Variants in GNA14 observed in about 807,000 individuals in gnomAD.
GNA14 encodes the protein guanine nucleotide-binding protein subunit alpha-14.
In GNA14, 50 loss-of-function variants were observed where a neutral mutation model predicts 42.0. The observed-to-expected ratio is 1.19, with a 90% confidence interval of 0.95 to 1.51. The LOEUF (loss-of-function observed/expected upper bound fraction) is 1.51, where lower values mean the gene tolerates loss of function less well. Ranked by LOEUF, GNA14 falls within the 40% of genes most tolerant of loss-of-function variation. The pLI, the probability that GNA14 is intolerant of heterozygous loss-of-function variation, is 0.00. For missense variants in GNA14, 473 were observed against 446.2 expected, an observed-to-expected ratio of 1.06 and a Z score of -0.54; for synonymous variants, 173 against 163.1, an observed-to-expected ratio of 1.06 and a Z score of -0.46.
intron 1 of GNA14, among the ~76,000 whole-genome samples, chr9:77,576,859 A>G (rs1823136367): frequency 6.6e-6 from 1 of 152,132 alleles, no homozygotes; most frequent in Non-Finnish European, 1.5e-5. Flanking sequence ...AATATTTTCC[A>G]GGGTAAATGA....
At chr9:77,615,868 T>G (rs895892084) in intron 1 of GNA14, among the ~76,000 whole-genome samples, 1 of 91,032 alleles carries the variant, frequency 1.1e-5, no homozygotes, top group Non-Finnish European at 1.9e-5. Context: ...TTTTTTGGGG[T>G]TTTTTTTTTG....
At position 77,517,590 on chromosome 9, in the gene GNA14, C is replaced by CTTTTTTTTTTTTTTTTTTT. The variant is rs71358610; in HGVS notation, c.309+11460_309+11478dup. 2.2e-4 allele frequency: 6 copies of CTTTTTTTTTTTTTTTTTTT among 26,812 alleles called. 1 individual carries two copies. Among genetic ancestry groups the CTTTTTTTTTTTTTTTTTTT allele is most frequent in the Non-Finnish European group, 2.7e-4 (4 of 14,632 alleles). The allele number at this position is 26,812 out of a possible 1,614,324, so 1.7% of individuals were successfully genotyped here. A position where few individuals can be genotyped will look rare whatever the true frequency, so the allele number is the denominator to read the frequency against. ...TTCTGGTGCTTATCCTGGTACTTTTCTTTTTTTTTTTTTTTTTTTTTTTTT... is the reference window on the plus strand; with the variant it reads ...TTCTGGTGCTTATCCTGGTACTTTTCTTTTTTTTTTTTTTTTTTTTTTTTTTTTTTTTTTTTTTTTTTTT... On this transcript the variant is annotated intron_variant, in intron 2 of 6. Transcript: ENST00000341700.
At chr9:77,431,788 A>C (rs947036242) in intron 3 of GNA14, 17 of 215,794 alleles carry the variant, frequency 7.9e-5, no homozygotes, top group African/African-American at 3.6e-4. Flanking sequence ...GCTCTCTCCA[A>C]CACCCCATCT....
intron 1 of GNA14, among the ~76,000 whole-genome samples, chr9:77,571,380 C>T (rs1044468497): frequency 6.6e-6 from 1 of 152,044 alleles, no homozygotes; most frequent in African/African-American, 2.4e-5. Context: ...TTAAGAGGGT[C>T]TTATTTGTAG....
chr9:77,452,562 GT>G (rs1835922304), intron 2 of GNA14, among the ~76,000 whole-genome samples: 1 of 142,040 alleles, frequency 7.0e-6, no homozygotes, highest in African/African-American at 2.7e-5. Flanking sequence ...GTGTGTGTGT[GT>G]GTGTGTGTAT....
At chr9:77,569,703 A>G (rs1423099434) in intron 1 of GNA14, among the ~76,000 whole-genome samples, 1 of 152,006 alleles carries the variant, frequency 6.6e-6, no homozygotes, top group East Asian at 1.9e-4. Context: ...GCCCCTGTAA[A>G]GTGAAAGAGA....
chr9:77,633,793 C>T (rs1038564746), intron 1 of GNA14, among the ~76,000 whole-genome samples: 5 of 152,172 alleles, frequency 3.3e-5, no homozygotes, highest in Non-Finnish European at 5.9e-5. Context: ...TGGCCCCACT[C>T]TGGCCAGTCA....
chr9:77,475,385 G>A (rs1836400795), intron 2 of GNA14, among the ~76,000 whole-genome samples: 1 of 152,180 alleles, frequency 6.6e-6, no homozygotes, highest in Non-Finnish European at 1.5e-5. Flanking sequence ...AGGCTTAGTT[G>A]GATGACAGGG....
chr9:77,488,785 A>T (rs993865528), intron 2 of GNA14, among the ~76,000 whole-genome samples: 6 of 21,916 alleles, frequency 2.7e-4, no homozygotes, highest in Non-Finnish European at 5.0e-4. Flanking sequence ...ACACCTAATT[A>T]AAAAAAAAAA....
chr9:77,492,544 A>C (rs1019744618), intron 2 of GNA14, among the ~76,000 whole-genome samples: 24 of 152,136 alleles, frequency 1.6e-4, no homozygotes, highest in Non-Finnish European at 3.2e-4. Flanking sequence ...GCTACACTCC[A>C]ACAAATTGGA....
intron 2 of GNA14, among the ~76,000 whole-genome samples, chr9:77,511,595 G>A (rs975041687): frequency 1.3e-5 from 2 of 152,146 alleles, no homozygotes; most frequent in African/African-American, 4.8e-5. Flanking sequence ...GCTTGCAGGC[G>A]AAAGGAGTTG....
At chr9:77,616,753 T>C (rs1823825506) in intron 1 of GNA14, among the ~76,000 whole-genome samples, 1 of 152,204 alleles carries the variant, frequency 6.6e-6, no homozygotes, top group Admixed American at 6.5e-5. Context: ...CTCATCCTTA[T>C]CCTGAGTCCA....
At chr9:77,558,476 T>G (rs1474382136) in intron 1 of GNA14, among the ~76,000 whole-genome samples, 1 of 152,166 alleles carries the variant, frequency 6.6e-6, no homozygotes, top group Non-Finnish European at 1.5e-5. Flanking sequence ...AAAGTTTGAG[T>G]AGTAGTCTTA....
intron 1 of GNA14, among the ~76,000 whole-genome samples, chr9:77,589,265 C>A (rs1823351772): frequency 6.6e-6 from 1 of 152,214 alleles, no homozygotes; most frequent in East Asian, 1.9e-4. Context: ...CAGGCCACTT[C>A]ATTTCCCAGA....
chr9:77,620,873 A>T (rs1384913426), intron 1 of GNA14, among the ~76,000 whole-genome samples: 2 of 143,850 alleles, frequency 1.4e-5, no homozygotes, highest in South Asian at 2.2e-4. Flanking sequence ...AAAAAAAAAA[A>T]TCCCTTTCTG....
chr9:77,486,099 G>C lies in GNA14; in HGVS notation c.309+42970C>G, dbSNP rs148200729. On this transcript the variant is annotated intron_variant, in intron 2 of 6. Coordinates refer to ENST00000341700, the MANE Select transcript of GNA14 (RefSeq NM_004297.4). ...GGATGTTGTCTTCTTCCAATAGAAG[G>C]CTGTTTCATCTATATTGAAAATCTG... is the stretch of plus-strand genomic sequence containing the variant. Among the ~76,000 whole-genome samples, 372 of 152,294 alleles carry C rather than the reference G, an allele frequency of 2.4e-3. 2 individuals carry two copies. Among genetic ancestry groups the C allele is most frequent in the South Asian group, 0.012 (60 of 4,820 alleles).
At chr9:77,510,172 C>T (rs1837137518) in intron 2 of GNA14, among the ~76,000 whole-genome samples, 1 of 152,158 alleles carries the variant, frequency 6.6e-6, no homozygotes, top group African/African-American at 2.4e-5. Flanking sequence ...CTTTTTCTCT[C>T]TATTGATTTG....
At chr9:77,593,334 C>CTTTTTTTTTTTT (rs59975831) in intron 1 of GNA14, among the ~76,000 whole-genome samples, 8 of 142,934 alleles carry the variant, frequency 5.6e-5, no homozygotes, top group African/African-American at 2.2e-4. Context: ...CCTAACATTC[C>CTTTTTTTTTTTT]TTTTTTTTTT....
In GNA14 at chr9:77,424,163, T is replaced by C; in HGVS notation, c.884A>G (p.Lys295Arg). The C allele has an allele frequency of 6.2e-7, 1 of 1,606,246 alleles. No individual in the cohort carries two copies. Among genetic ancestry groups the C allele is most frequent in the South Asian group, 1.1e-5 (1 of 89,590 alleles). Reference protein sequence around the residue: ...ISYFPEYTGPKQDVRAARDFI... With the variant: ...ISYFPEYTGPRQDVRAARDFI... ...GTCTCTGGCAGCTCTGACATCCTGT[T>C]TCGGTCCTAGTCACAAGTGCAATTA... The change falls in exon 7 of 7, where the codon AAA (lysine) becomes AGA (arginine). Residue 295 changes from lysine (K) to arginine (R), a missense_variant. Physicochemically the swap from Lys to Arg is conservative, Grantham distance 26. Coordinates refer to ENST00000341700, the MANE Select transcript of GNA14 (RefSeq NM_004297.4).
Sources: gnomAD v4.1 joint callset for allele counts (sites outside exome capture counted in the v4.1 genomes callset) on GRCh38, gnomAD v4.1.1 for gene constraint, MANE v1.5 for transcripts, NCBI Gene and HGNC (gene_info 2026-07-23, HGNC 2026-07-21) for gene names.